The following DNAH10 variants were observed in gnomAD, a reference collection of about 807,000 sequenced individuals.
DNAH10 encodes the protein axonemal beta dynein heavy chain 10.
Under a neutral mutation model 506.6 loss-of-function variants are expected in DNAH10, and 348 were observed. That is an observed-to-expected ratio of 0.69 (90% CI 0.63 to 0.75). The LOEUF (loss-of-function observed/expected upper bound fraction) is 0.75, where lower values mean the gene tolerates loss of function less well. Among genes scored for constraint, DNAH10 ranks in the 30% least tolerant of loss-of-function variants. The pLI, the probability that DNAH10 is intolerant of heterozygous loss-of-function variation, is 0.00. For synonymous variants in DNAH10, 2,059 were observed against 2,198.6 expected, an observed-to-expected ratio of 0.94 and a Z score of 1.78; for missense variants, 5,179 against 5,787.1, an observed-to-expected ratio of 0.89 and a Z score of 3.41.
intron 28 of DNAH10, among the ~76,000 whole-genome samples, chr12:123,837,140 T>C (rs1025148339): frequency 2.8e-5 from 4 of 142,466 alleles, no homozygotes; most frequent in Non-Finnish European, 4.5e-5. Context: ...TGTGAGCCAC[T>C]GTGCCCAGCC....
intron 25 of DNAH10, among the ~76,000 whole-genome samples, chr12:123,829,465 G>A (rs536282296): frequency 1.3e-5 from 2 of 152,314 alleles, no homozygotes; most frequent in African/African-American, 2.4e-5. Context: ...ATCGTGGCCT[G>A]TGAATGTTAT....
intron 25 of DNAH10, 111 bp downstream of exon 25, chr12:123,827,009 C>A: frequency 1.0e-6 from 1 of 978,850 alleles, no homozygotes; most frequent in Non-Finnish European, 1.5e-6. Context: ...ACAATTTCAA[C>A]AATGCCGCAG....
At chr12:123,871,688 C>A in intron 45 of DNAH10, 86 bp downstream of exon 45, 3 of 1,437,712 alleles carry the variant, frequency 2.1e-6, no homozygotes, top group South Asian at 1.3e-5. Context: ...GCACTGTGAT[C>A]TCACAGTTTC....
rs749747881 is a variant in DNAH10, at chr12:123,801,406, A to G, written c.2588A>G (p.Tyr863Cys). Residue 863 changes from tyrosine (Y) to cysteine (C), a missense_variant, in exon 16 of 79, where the codon TAT becomes TGT. Around this residue, in one of 3 missense-constraint regions of DNAH10, gnomAD observed 4,844 missense variants for 5,430.5 expected, o/e 0.89. Coordinates refer to ENST00000673944, the MANE Select transcript of DNAH10 (RefSeq NM_001372106.1). ...CTGCTCCGAGTGTTTAGGTCGGGATATAAGAGGTTGAACTGGAACTCACTA... is the reference window on the plus strand; with the variant it reads ...CTGCTCCGAGTGTTTAGGTCGGGATGTAAGAGGTTGAACTGGAACTCACTA... ...QELLRVFRSG[Y>C]KRLNWNSLGI... 2.5e-6 allele frequency: 4 copies of G among 1,614,028 alleles called. No individual in the cohort carries two copies. Among genetic ancestry groups the G allele is most frequent in the African/African-American group, 1.3e-5 (1 of 74,936 alleles).
At chr12:123,766,381 A>G (rs1033227122) in intron 1 of DNAH10, among the ~76,000 whole-genome samples, 3 of 152,180 alleles carry the variant, frequency 2.0e-5, no homozygotes, top group Admixed American at 1.3e-4. Flanking sequence ...TAATGATAAT[A>G]TATGGATATA....
In DNAH10 at chr12:123,807,608, G is replaced by A. The variant is rs116329074; in HGVS notation, c.2988-1189G>A. Among the ~76,000 whole-genome samples the A allele has an allele frequency of 6.2e-3, 947 of 151,996 alleles. 19 individuals carry two copies. Among genetic ancestry groups the A allele is most frequent in the African/African-American group, 0.021 (880 of 41,468 alleles). ...GAAGGAAAGATGAGATTGAAGGAGG[G>A]GATGAAGCTGGAGAGGGTGGCAGGG... is the stretch of plus-strand genomic sequence containing the variant. On this transcript the variant is annotated intron_variant, in intron 18 of 78. Coordinates refer to ENST00000673944, the MANE Select transcript of DNAH10 (RefSeq NM_001372106.1).
intron 56 of DNAH10, among the ~76,000 whole-genome samples, chr12:123,900,291 A>G (rs575585329): frequency 3.1e-4 from 47 of 152,294 alleles, no homozygotes; most frequent in Admixed American, 1.1e-3. Flanking sequence ...ATGTAAAACT[A>G]GACTGGAAGT....
In DNAH10 at chr12:123,893,405, C is replaced by T; in HGVS notation, c.9168C>T (p.Asp3056=). 1.9e-6 allele frequency: 3 copies of T among 1,613,138 alleles called. No individual in the cohort carries two copies. The highest frequency in any genetic ancestry group is 2.5e-6 in the Non-Finnish European group (3 of 1,179,888). ...HIVLGMSPVG[D]TLRTWCRNFP... is the part of the protein sequence containing the mutation. ...TCCTGGGCATGTCGCCAGTGGGGGA[C>T]ACCCTGAGGACCTGGTGCAGAAACT... The change falls in exon 53 of 79, where the codon GAC becomes GAT. Residue 3056 remains aspartate (D), a synonymous_variant. Coordinates refer to ENST00000673944, the MANE Select transcript of DNAH10 (RefSeq NM_001372106.1).
chr12:123,923,764 G>T lies in DNAH10; in HGVS notation c.11508G>T (p.Gly3836=). The T allele has an allele frequency of 1.9e-6, 3 of 1,603,334 alleles. No homozygotes were observed. The highest frequency in any genetic ancestry group is 2.6e-6 in the Non-Finnish European group (3 of 1,176,462). The change falls in exon 66 of 79, where the codon GGG becomes GGT. Residue 3836 remains glycine, a splice_region_variant and synonymous_variant. Transcript: ENST00000673944. The part of the protein sequence containing the change: ...TFSIYNHGCT[G]LFERHKLLFS... Reference sequence around the variant, plus strand: ...TACTCATCTGATGTTTCCCTCCAGGGCTGTTTGAGAGGCACAAGCTACTCT... The same window carrying T: ...TACTCATCTGATGTTTCCCTCCAGGTCTGTTTGAGAGGCACAAGCTACTCT...
At chr12:123,781,378 C>T (rs1346218481) in intron 6 of DNAH10, 79 bp downstream of exon 6, 30 of 1,338,076 alleles carry the variant, frequency 2.2e-5, no homozygotes, top group Non-Finnish European at 1.8e-5. Context: ...TGCCACCATG[C>T]CTGGCTAACT....
chr12:123,879,748 C>A lies in DNAH10; in HGVS notation c.8581C>A (p.Pro2861Thr). ...CCAGATGGCTCTGCACGAAGGAGAA[C>A]CACGCATTTATGAAGACATCCAGGA... The part of the protein sequence containing the change: ...DFQMALHEGE[P>T]RIYEDIQDYE... The change falls in exon 50 of 79, where the codon CCA (proline) becomes ACA (threonine). Residue 2861 changes from proline (P) to threonine (T), a missense_variant. This residue lies in a region of DNAH10 where 4,844 missense variants were observed against 5,430.5 expected (regional missense o/e 0.89). Transcript: ENST00000673944. 1 of 1,614,008 alleles carries A rather than the reference C, an allele frequency of 6.2e-7. No homozygotes were observed. The highest frequency in any genetic ancestry group is 8.5e-7 in the Non-Finnish European group (1 of 1,179,902).
rs930589754 is a variant in DNAH10, at chr12:123,850,025, C to G, written c.6103-863C>G. Among the ~76,000 whole-genome samples, 1 of 152,058 alleles carries G rather than the reference C, an allele frequency of 6.6e-6. No individual in the cohort carries two copies. Among genetic ancestry groups the G allele is most frequent in the Non-Finnish European group, 1.5e-5 (1 of 68,020 alleles). ...AGGCAGCAGCTATCTGCTCTTCCCC[C>G]TGGGCCATCTGGGCCATCTGGGCCT... On this transcript the variant is annotated intron_variant, in intron 34 of 78. Transcript: ENST00000673944. This position sits in a 1 kb window ranked among gnomAD's most constrained non-coding sequence, Gnocchi z 5.5.
intron 25 of DNAH10, among the ~76,000 whole-genome samples, chr12:123,828,927 ACT>A (rs916528055): frequency 6.6e-6 from 1 of 151,738 alleles, no homozygotes; most frequent in Non-Finnish European, 1.5e-5. Flanking sequence ...AGAGGGAATC[ACT>A]CTCTCCCAGT....
At chr12:123,774,102 G>T (rs1377012575) in intron 4 of DNAH10, 47 bp from the exon 5 acceptor site, 1 of 1,214,552 alleles carries the variant, frequency 8.2e-7, no homozygotes, top group Non-Finnish European at 1.2e-6. Flanking sequence ...TTAACTGTTG[G>T]CTGCTCTCTC....
chr12:123,879,539 T>G, intron 49 of DNAH10, 95 bp from the exon 50 acceptor site: 1 of 1,540,892 alleles, frequency 6.5e-7, no homozygotes, highest in South Asian at 1.2e-5. Flanking sequence ...GAACGCAAAT[T>G]ATTTTAGATA....
Position 123,889,133 on chromosome 12 carries a change from C to T in DNAH10, c.8995+1820C>T, listed in dbSNP as rs894198008. On this transcript the variant is annotated intron_variant, in intron 52 of 78. Coordinates refer to ENST00000673944, the MANE Select transcript of DNAH10 (RefSeq NM_001372106.1). ...GCCTTGCTGCACTTGCTCTGCCATG[C>T]GTGTAAACAGCTTTCCCTCCCTCCC... Among the ~76,000 whole-genome samples the T allele has an allele frequency of 6.6e-5, 10 of 152,190 alleles. No homozygotes were observed. The East Asian group carries it at 9.6e-4, about 15-fold the overall frequency.
In DNAH10 at chr12:123,846,172, A is replaced by G; in HGVS notation, c.5814+18A>G. 1.2e-6 allele frequency: 2 copies of G among 1,605,030 alleles called. No homozygotes were observed. Among genetic ancestry groups the G allele is most frequent in the Non-Finnish European group, 1.7e-6 (2 of 1,174,888 alleles). ...TCACCCAGGTGACTGCCAGCCTGGCACTTGTGGTTACCACTTACCTTGGGG... is the reference window on the plus strand; with the variant it reads ...TCACCCAGGTGACTGCCAGCCTGGCGCTTGTGGTTACCACTTACCTTGGGG... On this transcript the variant is annotated intron_variant, in intron 32 of 78. Transcript: ENST00000673944. This position sits in a 1 kb window ranked among gnomAD's most constrained non-coding sequence, Gnocchi z 4.5.
At chr12:123,770,693 G>A (rs1957220691) in intron 2 of DNAH10, among the ~76,000 whole-genome samples, 1 of 152,064 alleles carries the variant, frequency 6.6e-6, no homozygotes, top group East Asian at 1.9e-4. Flanking sequence ...TCAGACCCCT[G>A]ACATTGAGTT....
chr12:123,887,075 C>G (rs1177483414), intron 51 of DNAH10, 67 bp from the exon 52 acceptor site: 1 of 1,508,980 alleles, frequency 6.6e-7, no homozygotes, highest in East Asian at 2.4e-5. Flanking sequence ...AGCGTCCCCA[C>G]CCCGGAGCCC....
Sources: allele counts gnomAD v4.1 joint callset (sites outside exome capture counted in the v4.1 genomes callset), GRCh38; gene constraint gnomAD v4.1.1; regional missense constraint gnomAD v4.1.1; non-coding constraint Gnocchi (gnomAD v3.1); transcripts MANE v1.5; gene names NCBI Gene and HGNC (gene_info 2026-07-23, HGNC 2026-07-21).